The following AKAP13 variants were observed in gnomAD, a reference collection of about 807,000 sequenced individuals.
The protein encoded by AKAP13 is A-kinase anchoring protein 13.
A neutral mutation model predicts 264.5 loss-of-function variants in AKAP13; 80 were observed. The ratio of observed to expected loss-of-function variants is 0.30; its 90% CI spans 0.25 to 0.36. The LOEUF is 0.36. Ranked by LOEUF, AKAP13 falls within the 10% of genes least tolerant of loss-of-function variation. The pLI, the probability that AKAP13 is intolerant of heterozygous loss-of-function variation, is 1.00. For missense variants in AKAP13, 3,712 were observed against 3,435.2 expected (o/e 1.08, Z -2.01); for synonymous variants, 1,380 against 1,250.2 (o/e 1.10, Z -2.19).
rs149838711 is a variant in AKAP13 at position 85,507,700 on chromosome 15, G to A, written c.34-13728G>A. ...ACACCTGATGACAGGTGGTGGTCGTGTGGCCAAGAATGGGAGCTTCTGGGG... is the reference window on the plus strand; with the variant it reads ...ACACCTGATGACAGGTGGTGGTCGTATGGCCAAGAATGGGAGCTTCTGGGG... On this transcript the variant is annotated intron_variant, in intron 2 of 36. Transcript: ENST00000394518. Among the ~76,000 whole-genome samples the A allele has an allele frequency of 5.3e-4, 80 of 152,346 alleles. 1 individual carries two copies. Among genetic ancestry groups the A allele is most frequent in the African/African-American group, 1.7e-3 (71 of 41,574 alleles).
chr15:85,530,219 C>T (rs750463172), intron 3 of AKAP13, among the ~76,000 whole-genome samples: 4 of 152,138 alleles, frequency 2.6e-5, no homozygotes, highest in Non-Finnish European at 5.9e-5. Flanking sequence ...CCCTGTCGTT[C>T]GCCCTCATCC....
At chr15:85,726,320 G>A (rs1597189389) in intron 26 of AKAP13, 90 bp from the exon 27 acceptor site, 1 of 1,053,302 alleles carries the variant, frequency 9.5e-7, no homozygotes, top group East Asian at 2.4e-5. Context: ...ATGTGTTGCT[G>A]AAACACCCTT....
rs570257631 is a variant in AKAP13, at chr15:85,747,151, C to A, written c.*2474C>A. On this transcript the variant is annotated 3_prime_UTR_variant, in exon 37 of 37. Coordinates refer to ENST00000394518, the MANE Select transcript of AKAP13 (RefSeq NM_007200.5). Reference sequence around the variant, plus strand: ...TAGTGCCCGGAATTCCCTCAAACCACCCAACTTCATCCAGGAATACAGTCT... The same window carrying A: ...TAGTGCCCGGAATTCCCTCAAACCAACCAACTTCATCCAGGAATACAGTCT... 2.0e-5 allele frequency: 3 copies of A among 152,350 alleles called. No homozygotes were observed. The highest frequency in any genetic ancestry group is 4.4e-5 in the Non-Finnish European group (3 of 68,058). 9.4% of individuals were successfully genotyped at this position (152,350 alleles called of 1,614,324 possible).
Position 85,582,081 on chromosome 15 carries a change from C to T in AKAP13, c.4013C>T (p.Pro1338Leu), listed in dbSNP as rs759111510. 2 of 1,610,382 alleles carry T rather than the reference C, an allele frequency of 1.2e-6. No individual in the cohort carries two copies. Among genetic ancestry groups the T allele is most frequent in the Non-Finnish European group, 1.7e-6 (2 of 1,178,460 alleles). The change falls in exon 7 of 37, where the codon CCT becomes CTT. Residue 1338 changes from proline (P) to leucine (L), a missense_variant. Around this residue, in one of 3 missense-constraint regions of AKAP13, gnomAD observed 2,759 missense variants for 2,411.7 expected, o/e 1.14. Transcript: ENST00000394518. ...GAGGAGCCAGAGAAGATCATTTTAC[C>T]TGTCCAGGGGCCTGAGCCAGCAGCA... ...GREEPEKIIL[P>L]VQGPEPAAEM...
intron 8 of AKAP13, chr15:85,619,636 C>T: frequency 4.1e-6 from 4 of 986,416 alleles, no homozygotes; most frequent in Non-Finnish European, 4.8e-6. Flanking sequence ...TTCTCTCCCT[C>T]TTCCTGGCAA....
Position 85,708,157 on chromosome 15 carries a change from A to C in AKAP13, c.5532+71A>C. On this transcript the variant is annotated intron_variant, in intron 18 of 36. Transcript: ENST00000394518. This position sits in a 1 kb window ranked among gnomAD's most constrained non-coding sequence, Gnocchi z 4.3. ...ACCAGCAAAATCCTCGGGAGTTGGG[A>C]GAGTTGAGGTTGTGGTGGATTTTGT... is the stretch of plus-strand genomic sequence containing the variant. 12 of 1,441,742 alleles carry C rather than the reference A, an allele frequency of 8.3e-6. No individual in the cohort carries two copies. Among genetic ancestry groups the C allele is most frequent in the Non-Finnish European group, 9.6e-6 (10 of 1,039,582 alleles). 89.3% of individuals were successfully genotyped at this position (1,441,742 alleles called of 1,614,324 possible).
chr15:85,391,951 A>G (rs577355900), intron 1 of AKAP13, among the ~76,000 whole-genome samples: 11 of 151,222 alleles, frequency 7.3e-5, no homozygotes, highest in African/African-American at 2.7e-4. Context: ...TACCTGGCTA[A>G]TTTTTGTATT....
intron 8 of AKAP13, among the ~76,000 whole-genome samples, chr15:85,620,421 T>A (rs138272307): frequency 3.3e-5 from 5 of 152,304 alleles, no homozygotes; most frequent in Non-Finnish European, 7.3e-5. Context: ...TGGATTCTTA[T>A]GCTTGGGAGA....
intron 2 of AKAP13, among the ~76,000 whole-genome samples, chr15:85,518,645 C>T (rs1436752735): frequency 2.0e-5 from 3 of 152,134 alleles, no homozygotes; most frequent in African/African-American, 7.2e-5. Context: ...CCATCCTGGG[C>T]AACATAGGGA....
At chr15:85,744,568 A>C (rs2089310818) in intron 36 of AKAP13, 60 bp from the exon 37 acceptor site, 2 of 1,563,316 alleles carry the variant, frequency 1.3e-6, no homozygotes, top group Non-Finnish European at 1.8e-6. Context: ...ATGGGGAGGA[A>C]GTTCAATGAA....
intron 1 of AKAP13, among the ~76,000 whole-genome samples, chr15:85,410,223 G>A (rs1326493296): frequency 1.3e-5 from 2 of 151,418 alleles, no homozygotes; most frequent in Non-Finnish European, 2.9e-5. Context: ...CCCCGGGCTG[G>A]TCGCTCATCA....
At chr15:85,699,336 C>T (rs1340798574) in intron 17 of AKAP13, among the ~76,000 whole-genome samples, 2 of 150,080 alleles carry the variant, frequency 1.3e-5, no homozygotes, top group Non-Finnish European at 3.0e-5. Flanking sequence ...CCCAGCTACT[C>T]AGGAGGCTGA....
intron 12 of AKAP13, among the ~76,000 whole-genome samples, chr15:85,660,969 C>G (rs1273369943): frequency 2.0e-5 from 3 of 152,134 alleles, no homozygotes; most frequent in Non-Finnish European, 4.4e-5. Flanking sequence ...TTAGATGTGT[C>G]CAGTATAGGT....
At chr15:85,584,328 G>T (rs574095848) in intron 7 of AKAP13, among the ~76,000 whole-genome samples, 1 of 152,160 alleles carries the variant, frequency 6.6e-6, no homozygotes, top group Admixed American at 6.5e-5. Context: ...CCCGTCAAGT[G>T]TGAGTAATCA....
intron 13 of AKAP13, among the ~76,000 whole-genome samples, chr15:85,668,602 T>C (rs1476200123): frequency 6.6e-6 from 1 of 152,244 alleles, no homozygotes; most frequent in African/African-American, 2.4e-5. Context: ...ACTGTTGTTT[T>C]GTTTGTGATC....
At chr15:85,430,281 C>T (rs535901119) in intron 1 of AKAP13, among the ~76,000 whole-genome samples, 5 of 152,312 alleles carry the variant, frequency 3.3e-5, no homozygotes, top group African/African-American at 9.6e-5. Context: ...TTGAATACAA[C>T]CTCTTCTTGG....
At chr15:85,496,608 A>G (rs1469535231) in intron 2 of AKAP13, among the ~76,000 whole-genome samples, 3 of 152,224 alleles carry the variant, frequency 2.0e-5, no homozygotes, top group Non-Finnish European at 4.4e-5. Context: ...GTAATGGCAC[A>G]GTTTTATCGT....
chr15:85,713,427 C>T (rs1052471020), intron 19 of AKAP13, among the ~76,000 whole-genome samples: 4 of 152,156 alleles, frequency 2.6e-5, no homozygotes, highest in Non-Finnish European at 5.9e-5. Flanking sequence ...CCTTGCAATT[C>T]TTCAAGAACT....
At chr15:85,557,824 T>C (rs1465879685) in intron 5 of AKAP13, among the ~76,000 whole-genome samples, 1 of 152,174 alleles carries the variant, frequency 6.6e-6, no homozygotes, top group African/African-American at 2.4e-5. Context: ...TTGGATACTT[T>C]TGATTTTAAT....
Sources: gnomAD v4.1 joint callset for allele counts (sites outside exome capture counted in the v4.1 genomes callset) on GRCh38, gnomAD v4.1.1 for gene constraint, gnomAD v4.1.1 regional missense constraint, Gnocchi (gnomAD v3.1) non-coding constraint, MANE v1.5 for transcripts, NCBI Gene and HGNC (gene_info 2026-07-23, HGNC 2026-07-21) for gene names.